ZNF33B: variants seen among roughly 807,000 people sequenced by gnomAD.
The protein encoded by ZNF33B is zinc finger protein 33B, also known as zinc finger protein 11b (KOX 2).
ZNF33B carries 29 observed loss-of-function variants against 45.8 expected under a neutral mutation model. The ratio of observed to expected loss-of-function variants is 0.63; its 90% CI spans 0.47 to 0.86. The LOEUF (loss-of-function observed/expected upper bound fraction) is 0.86, where lower values mean the gene tolerates loss of function less well. Ranked by LOEUF, ZNF33B falls within the 40% of genes least tolerant of loss-of-function variation. ZNF33B has a pLI of 0.00. For missense variants in ZNF33B, 831 were observed against 909.9 expected (o/e 0.91, Z 1.12); for synonymous variants, 305 against 307.8 (o/e 0.99, Z 0.10).
intron 4 of ZNF33B, among the ~76,000 whole-genome samples, chr10:42,601,890 C>T (rs1361393730): frequency 7.0e-6 from 1 of 142,718 alleles, no homozygotes; most frequent in African/African-American, 2.6e-5. Context: ...GCCATTAATT[C>T]TTGCTCTATG....
chr10:42,638,260 G>A (rs1408657471), intron 1 of ZNF33B, among the ~76,000 whole-genome samples: 1 of 152,352 alleles, frequency 6.6e-6, no homozygotes, highest in East Asian at 1.9e-4. Flanking sequence ...CTACAAACAG[G>A]GCAACGCACA....
At chr10:42,632,757 A>G (rs1319819415) in intron 2 of ZNF33B, 1 of 306,294 alleles carries the variant, frequency 3.3e-6, no homozygotes, top group Non-Finnish European at 6.0e-6. Flanking sequence ...GTACAAACCC[A>G]ACAGACTAAC....
rs775162760 is a variant in ZNF33B at position 42,593,726 on chromosome 10, T to C, written c.1224A>G (p.Thr408=). ...SALTLHQRTH[T]GEKPYQCNAC... is the part of the protein sequence containing the mutation. ...CATTACACTGATAGGGTTTCTCCCC[T>C]GTATGTGTTCTCTGGTGTAATGTGA... The change falls in exon 5 of 5, where the codon ACA becomes ACG. Residue 408 remains threonine (T), a synonymous_variant. Coordinates refer to ENST00000359467, the MANE Select transcript of ZNF33B (RefSeq NM_006955.3). The C allele has an allele frequency of 4.3e-6, 7 of 1,613,650 alleles. No individual in the cohort carries two copies. The Admixed American group carries it at 1.0e-4, about 23-fold the overall frequency.
At chr10:42,636,381 G>A (rs1214920451) in intron 2 of ZNF33B, among the ~76,000 whole-genome samples, 1 of 152,186 alleles carries the variant, frequency 6.6e-6, no homozygotes, top group Non-Finnish European at 1.5e-5. Flanking sequence ...TCCATATCCA[G>A]TGTCTTCCTT....
At position 42,632,326 on chromosome 10, in the gene ZNF33B, C is replaced by A; in HGVS notation, c.123G>T (p.Met41Ile). The stretch of plus-strand genomic sequence containing the variant: ...AGACAAGGTTGCTGTAGTTCTCCAG[C>A]ATCACATCTCTATACAGAGCCCTCT... ...PSQRALYRDVMLENYSNLVSV... is the reference protein window; with the variant it reads ...PSQRALYRDVILENYSNLVSV... The change falls in exon 3 of 5, where the codon ATG becomes ATT. Residue 41 changes from methionine (M) to isoleucine (I), a missense_variant. By Grantham distance (10) the Met-to-Ile change is conservative. Transcript: ENST00000359467. The A allele has an allele frequency of 6.2e-7, 1 of 1,607,108 alleles. No homozygotes were observed. The highest frequency in any genetic ancestry group is 8.5e-7 in the Non-Finnish European group (1 of 1,177,682).
downstream of ZNF33B, among the ~76,000 whole-genome samples, chr10:42,585,132 A>G (rs1191446738): frequency 6.6e-6 from 1 of 152,202 alleles, no homozygotes. Context: ...ACCCAAAAGG[A>G]GCATCTTTTC....
At chr10:42,620,567 AT>A (rs1195207102) in intron 4 of ZNF33B, among the ~76,000 whole-genome samples, 2,733 of 142,108 alleles carry the variant, frequency 0.019, 79 homozygotes, top group African/African-American at 0.062. Context: ...ACACCCAACT[AT>A]TTTTTTTTTT....
rs1837121484 is a variant in ZNF33B at position 42,591,492 on chromosome 10, T to C, written c.*1121A>G. On this transcript the variant is annotated 3_prime_UTR_variant, in exon 5 of 5. Transcript: ENST00000359467. ...AATGGATAAACATTAGCTCTGTGGG[T>C]CTCTATTTAAATTGTTTCAGGACAC... is the stretch of plus-strand genomic sequence containing the variant. 1 of 286,708 alleles carries C rather than the reference T, an allele frequency of 3.5e-6. No homozygotes were observed. Among genetic ancestry groups the C allele is most frequent in the Non-Finnish European group, 5.2e-6 (1 of 191,436 alleles). The allele number at this position is 286,708 out of a possible 1,614,324, so 17.8% of individuals were successfully genotyped here.
At chr10:42,617,028 A>C (rs1272587327) in intron 4 of ZNF33B, among the ~76,000 whole-genome samples, 1 of 147,588 alleles carries the variant, frequency 6.8e-6, no homozygotes, top group Non-Finnish European at 1.5e-5. Context: ...AAGAAGCTGA[A>C]TTATTTATAG....
chr10:42,610,353 T>C (rs1838049481), intron 4 of ZNF33B, among the ~76,000 whole-genome samples: 1 of 152,122 alleles, frequency 6.6e-6, no homozygotes, highest in South Asian at 2.1e-4. Context: ...CCGGCCAACA[T>C]GGTGAAACCC....
chr10:42,621,766 A>C (rs1223289512), intron 4 of ZNF33B, among the ~76,000 whole-genome samples: 2 of 152,188 alleles, frequency 1.3e-5, no homozygotes, highest in Non-Finnish European at 2.9e-5. Flanking sequence ...CTGATGAAAG[A>C]AAGCTTTCCT....
chr10:42,593,882 G>T lies in ZNF33B; in HGVS notation c.1068C>A (p.His356Gln). 4 of 1,614,046 alleles carry T rather than the reference G, an allele frequency of 2.5e-6. No individual in the cohort carries two copies. Among genetic ancestry groups the T allele is most frequent in the Non-Finnish European group, 3.4e-6 (4 of 1,179,952 alleles). Residue 356 changes from histidine to glutamine, a missense_variant, in exon 5 of 5, where the codon CAC becomes CAA. Transcript: ENST00000359467. ...RHQRVHTGEK[H>Q]FQCNQCGKTF... ...TTTTTCCACATTGATTACATTGAAA[G>T]TGTTTCTCTCCTGTGTGCACCCTCT...
chr10:42,597,498 T>G (rs1395567782), intron 4 of ZNF33B, among the ~76,000 whole-genome samples: 1 of 152,126 alleles, frequency 6.6e-6, no homozygotes, highest in African/African-American at 2.4e-5. Flanking sequence ...GGCACTCTTT[T>G]TGCAAATTCA....
chr10:42,577,115 G>A (rs141620573), intron 1 of ZNF33B, among the ~76,000 whole-genome samples: 2,313 of 136,278 alleles, frequency 0.017, 68 homozygotes, highest in African/African-American at 0.06. Context: ...TCTGGGTGAC[G>A]GAGCAAGACT....
At chr10:42,615,381 TG>T (rs777665732) in intron 4 of ZNF33B, among the ~76,000 whole-genome samples, 1 of 152,220 alleles carries the variant, frequency 6.6e-6, no homozygotes, top group Non-Finnish European at 1.5e-5. Context: ...CCATGTTATA[TG>T]GTAATAAAAA....
downstream of ZNF33B, among the ~76,000 whole-genome samples, chr10:42,584,960 C>T (rs1210933775): frequency 6.6e-6 from 1 of 152,224 alleles, no homozygotes; most frequent in Admixed American, 6.5e-5. Flanking sequence ...CCCTGCAGAG[C>T]TCACTAGGGC....
chr10:42,588,428 T>C (rs1445116435), downstream of ZNF33B, among the ~76,000 whole-genome samples: 1 of 152,230 alleles, frequency 6.6e-6, no homozygotes, highest in Non-Finnish European at 1.5e-5. Flanking sequence ...TTAGTTAAAA[T>C]TGGACTAGAC....
chr10:42,609,044 C>T (rs1564512079), intron 4 of ZNF33B, among the ~76,000 whole-genome samples: 3 of 152,068 alleles, frequency 2.0e-5, no homozygotes, highest in Admixed American at 6.6e-5. Context: ...ACAAAAACGA[C>T]TAAAACCAAC....
chr10:42,593,184 A>T lies in ZNF33B; in HGVS notation c.1766T>A (p.Ile589Asn). ...TGTTAGGTATGATTTATTGTAAAAG[A>T]TTTTTCCACATTCATGACATTCATA... ...KPYECHECGKIFYNKSYLTKH... is the reference protein window; with the variant it reads ...KPYECHECGKNFYNKSYLTKH... The change falls in exon 5 of 5, where the codon ATC becomes AAC. Residue 589 changes from isoleucine to asparagine, a missense_variant. Physicochemically the swap from Ile to Asn is moderately radical, Grantham distance 149. Transcript: ENST00000359467. 1 of 1,602,152 alleles carries T rather than the reference A, an allele frequency of 6.2e-7. No individual in the cohort carries two copies. Among genetic ancestry groups the T allele is most frequent in the Non-Finnish European group, 8.5e-7 (1 of 1,176,128 alleles).
Sources: allele counts gnomAD v4.1 joint callset (sites outside exome capture counted in the v4.1 genomes callset), GRCh38; gene constraint gnomAD v4.1.1; transcripts MANE v1.5; gene names NCBI Gene and HGNC (gene_info 2026-07-23, HGNC 2026-07-21).